Variants in FAM13B observed in about 807,000 individuals in gnomAD.
The protein encoded by FAM13B is family with sequence similarity 13 member B, also known as protein FAM13B.
In FAM13B, 60 loss-of-function variants were observed where a neutral mutation model predicts 117.3. The ratio of observed to expected loss-of-function variants is 0.51; its 90% CI spans 0.42 to 0.63. The LOEUF is 0.63. Ranked by LOEUF, FAM13B falls within the 30% of genes least tolerant of loss-of-function variation. The pLI, the probability that FAM13B is intolerant of heterozygous loss-of-function variation, is 0.00. For missense variants in FAM13B, 972 were observed against 1,091.9 expected, an observed-to-expected ratio of 0.89 and a Z score of 1.55; for synonymous variants, 332 against 356.1, an observed-to-expected ratio of 0.93 and a Z score of 0.76.
At chr5:137,984,867 C>T (rs907402374) in intron 10 of FAM13B, among the ~76,000 whole-genome samples, 1 of 151,754 alleles carries the variant, frequency 6.6e-6, no homozygotes, top group Non-Finnish European at 1.5e-5. Context: ...CTCCTGGGTT[C>T]ATGCCTTTCT....
rs1187795030 is a variant in FAM13B, at chr5:137,999,120, CT to C, written c.848+7869del. ...CTTCAGGGTCTTTTTTTTTTTTTGT[CT>C]TTTTTTTTTTGAGACAGGGTCCCAC... is the stretch of plus-strand genomic sequence containing the variant. On this transcript the variant is annotated intron_variant, in intron 7 of 23. Transcript: ENST00000689681. Among the ~76,000 whole-genome samples the C allele has an allele frequency of 7.9e-3, 954 of 120,318 alleles. 9 individuals carry two copies. The highest frequency in any genetic ancestry group is 0.025 in the African/African-American group (884 of 34,870). 78.9% of individuals were successfully genotyped at this position (120,318 alleles called of 152,430 possible).
At chr5:137,959,873 A>G (rs908386181) in intron 12 of FAM13B, 110 bp from the exon 13 acceptor site, 2 of 1,053,456 alleles carry the variant, frequency 1.9e-6, no homozygotes, top group Non-Finnish European at 2.8e-6. Flanking sequence ...TACTGTGCCT[A>G]TACAGCCAAC....
intron 1 of FAM13B, among the ~76,000 whole-genome samples, chr5:138,050,088 T>A (rs1006948423): frequency 6.6e-6 from 1 of 151,950 alleles, no homozygotes; most frequent in African/African-American, 2.4e-5. Flanking sequence ...CAGTAAGCTA[T>A]GATCACTCAA....
chr5:138,000,410 A>T (rs1780928000), intron 7 of FAM13B, among the ~76,000 whole-genome samples: 1 of 151,968 alleles, frequency 6.6e-6, no homozygotes, highest in Admixed American at 6.6e-5. Flanking sequence ...AAAAAATAAA[A>T]AATTAACTAA....
At chr5:137,998,107 A>G (rs554032217) in intron 7 of FAM13B, among the ~76,000 whole-genome samples, 1 of 152,376 alleles carries the variant, frequency 6.6e-6, no homozygotes, top group Admixed American at 6.5e-5. Flanking sequence ...CCCAATGCTC[A>G]GGCTGCTAAA....
chr5:137,980,245 T>TA (rs1775312231), intron 10 of FAM13B, among the ~76,000 whole-genome samples: 1 of 151,752 alleles, frequency 6.6e-6, no homozygotes, highest in Non-Finnish European at 1.5e-5. Context: ...AAACAGGTAT[T>TA]ATTGTGTATT....
At chr5:137,951,731 C>T (rs1281763317) in intron 17 of FAM13B, among the ~76,000 whole-genome samples, 1 of 152,018 alleles carries the variant, frequency 6.6e-6, no homozygotes, top group Non-Finnish European at 1.5e-5. Flanking sequence ...AATCCCAGCA[C>T]TTTGGGAGGC....
chr5:137,971,781 T>A (rs1772255216), intron 10 of FAM13B, among the ~76,000 whole-genome samples: 1 of 149,320 alleles, frequency 6.7e-6, no homozygotes, highest in Admixed American at 6.7e-5. Flanking sequence ...AAAGGGGATA[T>A]CACCACCAAT....
chr5:137,939,884 TAAC>T lies in FAM13B; in HGVS notation c.*338_*340del. On this transcript the variant is annotated 3_prime_UTR_variant, in exon 24 of 24. Coordinates refer to ENST00000689681, the MANE Select transcript of FAM13B (RefSeq NM_001385994.1). ...GTAATGAGAAACAAAAAGTTGGTAA[TAAC>T]AAAAAGCTTGCATTTCCAAAGTTCT... 3 of 1,342,096 alleles carry T rather than the reference TAAC, an allele frequency of 2.2e-6. No homozygotes were observed. In the South Asian group the frequency reaches 6.6e-5, roughly 29 times the overall value. 83.1% of individuals were successfully genotyped at this position (1,342,096 alleles called of 1,614,324 possible).
chr5:137,997,982 T>C (rs62383460), intron 7 of FAM13B, among the ~76,000 whole-genome samples: 2,278 of 152,326 alleles, frequency 0.015, 25 homozygotes, highest in Middle Eastern at 0.024. Context: ...AGATGACTAA[T>C]CAAAACCCAC....
In FAM13B at chr5:137,946,457, C is replaced by T. The variant is rs1212998808; in HGVS notation, c.2161-146G>A. ...AGACGATCAACAGTCTAGCCCAGGC[C>T]TTTGCTTGCAGATTTGCAGGCAAAA... On this transcript the variant is annotated intron_variant, in intron 18 of 23. Coordinates refer to ENST00000689681, the MANE Select transcript of FAM13B (RefSeq NM_001385994.1). 24 of 567,346 alleles carry T rather than the reference C, an allele frequency of 4.2e-5. 1 individual carries two copies. The South Asian group carries it at 6.4e-4, about 15-fold the overall frequency. 35.1% of individuals were successfully genotyped at this position (567,346 alleles called of 1,614,324 possible). A position where few individuals can be genotyped will look rare whatever the true frequency, so the allele number is the denominator to read the frequency against.
intron 14 of FAM13B, among the ~76,000 whole-genome samples, chr5:137,955,021 G>A (rs1274700042): frequency 6.6e-6 from 1 of 152,168 alleles, no homozygotes. Context: ...TTCTAAAGAT[G>A]TTATTTAATA....
intron 7 of FAM13B, among the ~76,000 whole-genome samples, chr5:138,006,318 C>T (rs893472979): frequency 1.1e-4 from 16 of 152,122 alleles, no homozygotes; most frequent in East Asian, 1.9e-4. Context: ...TGGAGCTTTA[C>T]GGAGAACGAG....
upstream of FAM13B, chr5:138,033,808 A>G (rs1369928390): frequency 6.6e-6 from 1 of 152,208 alleles, no homozygotes. Flanking sequence ...CTTCTTTGTT[A>G]TAGTCTGTTA....
rs762840807 is a variant in FAM13B at position 137,952,625 on chromosome 5, T to C, written c.1930+3A>G. On this transcript the variant is annotated splice_donor_region_variant and intron_variant, in intron 17 of 23. Transcript: ENST00000689681. The stretch of plus-strand genomic sequence containing the variant: ...ATATATTACAAAATGGCACATAATA[T>C]ACCTTTAATTTGCTTCCGCAGTTTT... 1 of 1,573,790 alleles carries C rather than the reference T, an allele frequency of 6.4e-7. No homozygotes were observed. The highest frequency in any genetic ancestry group is 8.6e-7 in the Non-Finnish European group (1 of 1,157,280).
rs748987829 is a variant in FAM13B at position 138,018,326 on chromosome 5, T to A, written c.346A>T (p.Ile116Phe). 57 of 1,614,102 alleles carry A rather than the reference T, an allele frequency of 3.5e-5. No homozygotes were observed. Among genetic ancestry groups the A allele is most frequent in the Non-Finnish European group, 4.7e-5 (55 of 1,179,958 alleles). The change falls in exon 4 of 24, where the codon ATT becomes TTT. Residue 116 changes from isoleucine (I) to phenylalanine (F), a missense_variant. Physicochemically the swap from Ile to Phe is conservative, Grantham distance 21. Coordinates refer to ENST00000689681, the MANE Select transcript of FAM13B (RefSeq NM_001385994.1). ...CCTTGAGAAAGCTGCATCAAGTGAA[T>A]ATGTAAACTGCCAGGGATAACAGGT... The part of the protein sequence containing the change: ...PEPVIPGSLH[I>F]HLMQLSQDYN...
At chr5:138,007,279 C>T in intron 6 of FAM13B, 132 bp from the exon 7 acceptor site, 1 of 650,988 alleles carries the variant, frequency 1.5e-6, no homozygotes, top group Non-Finnish European at 2.4e-6. Context: ...ACCAATCTCT[C>T]TTATGGAGTA....
chr5:137,981,480 T>C (rs1327415077), intron 10 of FAM13B, among the ~76,000 whole-genome samples: 2 of 151,770 alleles, frequency 1.3e-5, no homozygotes, highest in Non-Finnish European at 2.9e-5. Flanking sequence ...AAAATAATTA[T>C]AACACTATCT....
intron 6 of FAM13B, among the ~76,000 whole-genome samples, chr5:138,007,586 T>A (rs1365615949): frequency 6.6e-6 from 1 of 152,200 alleles, no homozygotes; most frequent in African/African-American, 2.4e-5. Flanking sequence ...AAAAAAAATG[T>A]TGCCTTAAGA....
Sources: gnomAD v4.1 joint callset for allele counts (sites outside exome capture counted in the v4.1 genomes callset) on GRCh38, gnomAD v4.1.1 for gene constraint, MANE v1.5 for transcripts, NCBI Gene and HGNC (gene_info 2026-07-23, HGNC 2026-07-21) for gene names.